RARB: variants seen among roughly 807,000 people sequenced by gnomAD.
RARB encodes the protein retinoic acid receptor beta.
A neutral mutation model predicts 51.9 loss-of-function variants in RARB; 17 were observed. That is an observed-to-expected ratio of 0.33 (90% CI 0.22 to 0.49). The LOEUF (loss-of-function observed/expected upper bound fraction) is 0.49. Among genes scored for constraint, RARB ranks in the 20% least tolerant of loss-of-function variants. The probability of loss-of-function intolerance (pLI) is 0.99; values close to 1 mark genes in which losing one functional copy is unlikely to be tolerated. For missense variants in RARB, 369 were observed against 550.8 expected (o/e 0.67, Z 3.30); for synonymous variants, 215 against 195.4 (o/e 1.10, Z -0.84).
At chr3:25,151,531 C>A (rs1163501705) in intron 4 of RARB, among the ~76,000 whole-genome samples, 2 of 152,156 alleles carry the variant, frequency 1.3e-5, no homozygotes, top group Non-Finnish European at 2.9e-5. Context: ...TAAGGGTACA[C>A]TAAGTTGAAT....
intron 1 of RARB, among the ~76,000 whole-genome samples, chr3:25,452,865 A>C (rs1709256374): frequency 6.6e-6 from 1 of 152,190 alleles, no homozygotes; most frequent in Non-Finnish European, 1.5e-5. Context: ...GCGCTCAGTA[A>C]ATAGTAATTA....
chr3:25,299,623 A>G (rs998205554), intron 5 of RARB, among the ~76,000 whole-genome samples: 1 of 152,202 alleles, frequency 6.6e-6, no homozygotes, highest in Non-Finnish European at 1.5e-5. Context: ...TTTTAAAAAG[A>G]CGGTTATTTT....
intron 5 of RARB, among the ~76,000 whole-genome samples, chr3:25,292,310 T>C (rs1478341430): frequency 7.2e-5 from 11 of 152,108 alleles, no homozygotes; most frequent in Non-Finnish European, 1.5e-4. Flanking sequence ...GTCCAAGAAA[T>C]GTCCCACATT....
intron 3 of RARB, among the ~76,000 whole-genome samples, chr3:25,113,391 T>C (rs1461450248): frequency 6.6e-6 from 1 of 152,202 alleles, no homozygotes; most frequent in South Asian, 2.1e-4. Context: ...CTGGTTTATT[T>C]TGACAATCCT....
chr3:25,563,688 AAAATT>A (rs1481492286), intron 3 of RARB, among the ~76,000 whole-genome samples: 2 of 152,256 alleles, frequency 1.3e-5, no homozygotes, highest in Non-Finnish European at 2.9e-5. Context: ...TTTTTTAACT[AAAATT>A]AAAGCATGTT....
intron 2 of RARB, among the ~76,000 whole-genome samples, chr3:25,032,858 T>C (rs1697903732): frequency 6.6e-6 from 1 of 152,228 alleles, no homozygotes; most frequent in African/African-American, 2.4e-5. Context: ...GATTGTGTTG[T>C]GGTAGCAATG....
intron 2 of RARB, among the ~76,000 whole-genome samples, chr3:25,491,322 G>A (rs1355235880): frequency 1.3e-5 from 2 of 151,828 alleles, no homozygotes; most frequent in African/African-American, 4.8e-5. Context: ...AAGCCCAGTA[G>A]TAAAACATAA....
intron 2 of RARB, among the ~76,000 whole-genome samples, chr3:24,917,280 C>T (rs952784594): frequency 6.6e-6 from 1 of 151,902 alleles, no homozygotes; most frequent in Non-Finnish European, 1.5e-5. Context: ...TTAGATATGA[C>T]ATGAAAAGCA....
chr3:25,222,988 G>C (rs1235888989), intron 5 of RARB, among the ~76,000 whole-genome samples: 9 of 152,132 alleles, frequency 5.9e-5, no homozygotes. Flanking sequence ...ACTTTTTTAA[G>C]AAGGTAGATA....
In RARB at chr3:25,186,794, T is replaced by C. The variant is rs577772298; in HGVS notation, c.178+12219T>C. Among the ~76,000 whole-genome samples, 6 of 151,828 alleles carry C rather than the reference T, an allele frequency of 4.0e-5. No individual in the cohort carries two copies. The East Asian group carries it at 1.2e-3, about 29-fold the overall frequency. On this transcript the variant is annotated intron_variant, in intron 5 of 11. Coordinates refer to the RARB transcript ENST00000383772. ...TGAGACACCTATAACAAAAGACAGA[T>C]TAACATCAGAAAAAACATACAAATT... is the stretch of plus-strand genomic sequence containing the variant.
chr3:25,095,122 A>C (rs1190743796), intron 3 of RARB, among the ~76,000 whole-genome samples: 1 of 152,120 alleles, frequency 6.6e-6, no homozygotes, highest in African/African-American at 2.4e-5. Flanking sequence ...AGTGGCTCCC[A>C]AACTTAGCTG....
chr3:25,392,036 A>C (rs1706976335), intron 5 of RARB, among the ~76,000 whole-genome samples: 1 of 152,182 alleles, frequency 6.6e-6, no homozygotes, highest in Non-Finnish European at 1.5e-5. Flanking sequence ...CTTAGATTTA[A>C]GTCCTTAATC....
chr3:25,340,892 G>T (rs921509814), intron 5 of RARB, among the ~76,000 whole-genome samples: 2 of 152,174 alleles, frequency 1.3e-5, no homozygotes, highest in African/African-American at 4.8e-5. Flanking sequence ...GCCTTTCCAG[G>T]TGAGGTTATC....
At chr3:24,902,616 C>T (rs989377500) in intron 2 of RARB, among the ~76,000 whole-genome samples, 2 of 152,092 alleles carry the variant, frequency 1.3e-5, no homozygotes, top group Non-Finnish European at 2.9e-5. Context: ...GCTCACTGAC[C>T]TCCCCCTTTT....
intron 5 of RARB, among the ~76,000 whole-genome samples, chr3:25,380,205 A>G (rs919847735): frequency 6.6e-6 from 1 of 152,184 alleles, no homozygotes; most frequent in Non-Finnish European, 1.5e-5. Flanking sequence ...TAATGGAACA[A>G]CCAACTCCTA....
At chr3:24,928,858 C>T (rs1216857050) in intron 2 of RARB, among the ~76,000 whole-genome samples, 1 of 151,936 alleles carries the variant, frequency 6.6e-6, no homozygotes, top group Non-Finnish European at 1.5e-5. Context: ...ACTAAGCATC[C>T]TTATTTCACA....
chr3:24,953,068 T>C (rs191545766), intron 2 of RARB, among the ~76,000 whole-genome samples: 12 of 152,304 alleles, frequency 7.9e-5, no homozygotes, highest in Admixed American at 4.6e-4. Flanking sequence ...TTAGCTGTTA[T>C]ATCTTCTAGG....
intron 3 of RARB, among the ~76,000 whole-genome samples, chr3:25,099,117 A>T (rs950391131): frequency 3.9e-5 from 6 of 152,172 alleles, no homozygotes; most frequent in Non-Finnish European, 7.4e-5. Flanking sequence ...TTAAGTAGTT[A>T]TGAGTGAGGT....
chr3:25,185,631 T>A (rs1035490754), intron 5 of RARB, among the ~76,000 whole-genome samples: 4 of 152,118 alleles, frequency 2.6e-5, no homozygotes, highest in African/African-American at 9.7e-5. Flanking sequence ...ATTTTTTTTA[T>A]AATCAGAATG....
Sources: allele counts gnomAD v4.1 joint callset (sites outside exome capture counted in the v4.1 genomes callset), GRCh38; gene constraint gnomAD v4.1.1; transcripts MANE v1.5; gene names NCBI Gene and HGNC (gene_info 2026-07-23, HGNC 2026-07-21).